The following CPNE4 variants were observed in gnomAD, a reference collection of about 807,000 sequenced individuals.
CPNE4 encodes the protein copine 4.
Under a neutral mutation model 67.9 loss-of-function variants are expected in CPNE4, and 25 were observed. The ratio of observed to expected loss-of-function variants is 0.37; its 90% CI spans 0.27 to 0.51. The LOEUF (loss-of-function observed/expected upper bound fraction) is 0.51, where lower values mean the gene tolerates loss of function less well. Ranked by LOEUF, CPNE4 falls within the 20% of genes least tolerant of loss-of-function variation. The pLI, the probability that CPNE4 is intolerant of heterozygous loss-of-function variation, is 0.93. For missense variants in CPNE4, 464 were observed against 690.8 expected, an observed-to-expected ratio of 0.67 and a Z score of 3.68; for synonymous variants, 242 against 244.9, an observed-to-expected ratio of 0.99 and a Z score of 0.11.
chr3:131,893,268 G>T (rs1393266001), intron 2 of CPNE4, among the ~76,000 whole-genome samples: 1 of 151,854 alleles, frequency 6.6e-6, no homozygotes, highest in African/African-American at 2.4e-5. Flanking sequence ...ATTCAACAAA[G>T]AATATAACAA....
intron 7 of CPNE4, among the ~76,000 whole-genome samples, chr3:131,636,907 C>T (rs2079402832): frequency 6.6e-6 from 1 of 152,286 alleles, no homozygotes; most frequent in South Asian, 2.1e-4. Flanking sequence ...AGCCCAGTAG[C>T]TCTGCTGGGT....
intron 2 of CPNE4, among the ~76,000 whole-genome samples, chr3:131,812,122 C>A (rs1238354824): frequency 1.3e-5 from 2 of 151,378 alleles, no homozygotes; most frequent in Non-Finnish European, 2.9e-5. Context: ...TATACCCTAA[C>A]TTTTAGTCAA....
At position 131,736,475 on chromosome 3, in the gene CPNE4, C is replaced by T. The variant is rs1355828758; in HGVS notation, c.181-12850G>A. Among the ~76,000 whole-genome samples, 6 of 152,042 alleles carry T rather than the reference C, an allele frequency of 3.9e-5. No homozygotes were observed. In the South Asian group the frequency reaches 6.2e-4, roughly 16 times the overall value. ...TCTCTACTAAAAATACAAAAATTAA[C>T]TGGGCATGGTGGCGCATGCCTGTAG... On this transcript the variant is annotated intron_variant, in intron 2 of 15. Transcript: ENST00000429747.
chr3:131,832,739 C>T (rs2085421341), intron 2 of CPNE4, among the ~76,000 whole-genome samples: 1 of 152,108 alleles, frequency 6.6e-6, no homozygotes, highest in Non-Finnish European at 1.5e-5. Flanking sequence ...TTCAGTCTCA[C>T]CCATATATGA....
rs115611726 is a variant in CPNE4 at position 131,936,025 on chromosome 3, G to T, written c.-1-30581C>A. Among the ~76,000 whole-genome samples, 624 of 151,956 alleles carry T rather than the reference G, an allele frequency of 4.1e-3. 5 individuals are homozygous for T. The highest frequency in any genetic ancestry group is 0.015 in the African/African-American group (607 of 41,468). ...TAGACCTCGTCCTTTGTTTTGCTTT[G>T]TTTTTTATTTTGGCAGAAATAGTCT... is the stretch of plus-strand genomic sequence containing the variant. On this transcript the variant is annotated intron_variant, in intron 1 of 15. Transcript: ENST00000429747.
At chr3:132,035,458 A>G (rs1284849858), upstream of CPNE4, 2 of 152,216 alleles carry the variant, frequency 1.3e-5, no homozygotes, top group African/African-American at 4.8e-5. Context: ...AATTATTTTT[A>G]GTAAGTAATG....
intron 1 of CPNE4, among the ~76,000 whole-genome samples, chr3:131,920,748 C>T (rs2107808079): frequency 6.6e-6 from 1 of 152,212 alleles, no homozygotes; most frequent in Non-Finnish European, 1.5e-5. Context: ...ATGGTGTCAT[C>T]TCAGAACCAA....
At chr3:131,981,451 C>T (rs948140481) in intron 1 of CPNE4, among the ~76,000 whole-genome samples, 2 of 152,030 alleles carry the variant, frequency 1.3e-5, no homozygotes, top group African/African-American at 4.8e-5. Context: ...TTCTGAGTCA[C>T]GCAGGTTGTC....
chr3:131,864,262 T>C (rs2086832231), intron 2 of CPNE4, among the ~76,000 whole-genome samples: 1 of 151,674 alleles, frequency 6.6e-6, no homozygotes, highest in African/African-American at 2.4e-5. Flanking sequence ...GGTAGCTTGA[T>C]GGGGATGGCA....
chr3:132,035,204 GC>G, upstream of CPNE4: 1 of 205,698 alleles, frequency 4.9e-6, no homozygotes, highest in Non-Finnish European at 8.6e-6. Flanking sequence ...CAGCTTTGTC[GC>G]TCAACTGAGC....
intron 6 of CPNE4, among the ~76,000 whole-genome samples, chr3:131,685,421 C>T (rs1210946158): frequency 6.7e-6 from 1 of 149,960 alleles, no homozygotes; most frequent in African/African-American, 2.4e-5. Flanking sequence ...AAAAAAAAAG[C>T]TAAAAATGGC....
upstream of CPNE4, chr3:132,037,971 A>T: frequency 5.6e-6 from 1 of 178,018 alleles, no homozygotes; most frequent in Non-Finnish European, 1.2e-5. Context: ...TTTAGTTTTG[A>T]AATGGAATTT....
At chr3:131,695,677 C>A (rs1566694) in intron 5 of CPNE4, among the ~76,000 whole-genome samples, 20,879 of 152,258 alleles carry the variant, frequency 0.14, 1,774 homozygotes, top group Middle Eastern at 0.25. Context: ...TTGCTCCCAA[C>A]TGACATCTAT....
chr3:131,782,474 A>ACACACATG, intron 2 of CPNE4, among the ~76,000 whole-genome samples: 1 of 152,152 alleles, frequency 6.6e-6, no homozygotes, highest in East Asian at 1.9e-4. Flanking sequence ...AGTAATACAC[A>ACACACATG]CACACACATG....
At chr3:131,650,729 A>G (rs2079792894) in intron 7 of CPNE4, among the ~76,000 whole-genome samples, 2 of 121,850 alleles carry the variant, frequency 1.6e-5, no homozygotes, top group Admixed American at 1.8e-4. Context: ...TGGGGGACAG[A>G]GCAAGACTCC....
chr3:131,811,316 G>C (rs1185760291), intron 2 of CPNE4, among the ~76,000 whole-genome samples: 2 of 152,018 alleles, frequency 1.3e-5, no homozygotes, highest in African/African-American at 2.4e-5. Flanking sequence ...CAAACTCATG[G>C]AATTGTATAC....
At chr3:131,724,712 T>C (rs900898285) in intron 2 of CPNE4, among the ~76,000 whole-genome samples, 6 of 152,118 alleles carry the variant, frequency 3.9e-5, no homozygotes, top group Non-Finnish European at 7.4e-5. Context: ...CATTGAGGGG[T>C]AGTAATGGCT....
chr3:131,650,940 C>T (rs2079802032), intron 7 of CPNE4, among the ~76,000 whole-genome samples: 1 of 151,998 alleles, frequency 6.6e-6, no homozygotes, highest in Non-Finnish European at 1.5e-5. Context: ...ACTTTCTCTT[C>T]CCACCTTTGC....
In CPNE4 at chr3:131,535,004, G is replaced by A. The variant is rs1169455286; in HGVS notation, c.*191C>T. 4.4e-6 allele frequency: 2 copies of A among 452,638 alleles called. No individual in the cohort carries two copies. Among genetic ancestry groups the A allele is most frequent in the Non-Finnish European group, 7.7e-6 (2 of 260,390 alleles). The allele number at this position is 452,638 out of a possible 1,614,324, so 28.0% of individuals were successfully genotyped here. On this transcript the variant is annotated 3_prime_UTR_variant, in exon 16 of 16. Transcript: ENST00000429747. Reference sequence around the variant, plus strand: ...CTTTGTAAAAAGTTAACAATACAAGGGCTTAACAGATCCAGGCCTCAGGGC... The same window carrying A: ...CTTTGTAAAAAGTTAACAATACAAGAGCTTAACAGATCCAGGCCTCAGGGC...
Sources: gnomAD v4.1 joint callset for allele counts (sites outside exome capture counted in the v4.1 genomes callset) on GRCh38, gnomAD v4.1.1 for gene constraint, MANE v1.5 for transcripts, NCBI Gene and HGNC (gene_info 2026-07-23, HGNC 2026-07-21) for gene names.